Variants in SMIM23 observed in about 807,000 individuals in gnomAD.
The protein encoded by SMIM23 is CTB-78H18.1.
A neutral mutation model predicts 12.8 loss-of-function variants in SMIM23; 10 were observed. That is an observed-to-expected ratio of 0.78 (90% CI 0.48 to 1.32). The LOEUF (loss-of-function observed/expected upper bound fraction) is 1.32. SMIM23 is among the 40% of genes most tolerant of loss of function. The probability of loss-of-function intolerance (pLI) is 0.00; values close to 1 mark genes in which losing one functional copy is unlikely to be tolerated. For missense variants in SMIM23, 184 were observed against 198.2 expected (o/e 0.93, Z 0.43); for synonymous variants, 78 against 80.1 (o/e 0.97, Z 0.14).
At chr5:171,785,486 C>A (rs1402624111), upstream of SMIM23, among the ~76,000 whole-genome samples, 5 of 151,638 alleles carry the variant, frequency 3.3e-5, no homozygotes, top group Admixed American at 6.6e-5. Flanking sequence ...TGGACTCAAG[C>A]AATCCTCCAG....
chr5:171,776,275 G>A, the SMIM23 span, among the ~76,000 whole-genome samples: 2 of 151,586 alleles, frequency 1.3e-5, no homozygotes, highest in South Asian at 4.2e-4. Context: ...GGGGGGGTTG[G>A]GGTGGGGTGA....
intron 1 of SMIM23, among the ~76,000 whole-genome samples, chr5:171,788,989 G>T (rs1168281109): frequency 6.6e-6 from 1 of 152,222 alleles, no homozygotes; most frequent in Non-Finnish European, 1.5e-5. Context: ...ACAGGCACCG[G>T]CCACCATGGC....
chr5:171,778,118 G>A (rs376680179), upstream of SMIM23, among the ~76,000 whole-genome samples: 14 of 152,268 alleles, frequency 9.2e-5, no homozygotes, highest in East Asian at 7.7e-4. Context: ...CTAGCACTTC[G>A]GGAGGCCGAG....
At position 171,789,755 on chromosome 5, in the gene SMIM23, A is replaced by G. The variant is rs920650597; in HGVS notation, c.106-475A>G. ...GCAAAACTACTCACAGTGACAGAAA[A>G]CAGATTAATGGTTCTCTCCAGGCAG... On this transcript the variant is annotated intron_variant, in intron 1 of 3. Coordinates refer to ENST00000523047, the MANE Select transcript of SMIM23 (RefSeq NM_001289970.2). Among the ~76,000 whole-genome samples, 15 of 152,342 alleles carry G rather than the reference A, an allele frequency of 9.8e-5. No individual in the cohort carries two copies. In the South Asian group the frequency reaches 2.9e-3, roughly 29 times the overall value.
upstream of SMIM23, among the ~76,000 whole-genome samples, chr5:171,779,038 C>A (rs1168936939): frequency 6.6e-6 from 1 of 152,206 alleles, no homozygotes; most frequent in Non-Finnish European, 1.5e-5. Context: ...CTCCACAGAG[C>A]AGGGCTGTTT....
At chr5:171,789,761 T>C (rs1755887908) in intron 1 of SMIM23, among the ~76,000 whole-genome samples, 1 of 152,072 alleles carries the variant, frequency 6.6e-6, no homozygotes, top group Non-Finnish European at 1.5e-5. Flanking sequence ...GAAAACAGAT[T>C]AATGGTTCTC....
the SMIM23 span, chr5:171,774,461 T>TC: frequency 4.4e-6 from 2 of 456,224 alleles, no homozygotes; most frequent in Non-Finnish European, 8.8e-6. Context: ...GTCGGACCTC[T>TC]CCCCCAATCC....
Position 171,786,804 on chromosome 5 carries a change from C to T in SMIM23, c.105+828C>T, listed in dbSNP as rs141546534. ...TAAAAAGTGTTCCATAGACACCAGA[C>T]CCCAGGAATGCTCCTTTTAGAAACA... On this transcript the variant is annotated intron_variant, in intron 1 of 3. Coordinates refer to ENST00000523047, the MANE Select transcript of SMIM23 (RefSeq NM_001289970.2). 2.7e-3 allele frequency among the ~76,000 whole-genome samples: 407 copies of T among 152,200 alleles called. 1 individual carries two copies. The highest frequency in any genetic ancestry group is 9.4e-3 in the African/African-American group (392 of 41,520).
chr5:171,790,602 A>G, intron 3 of SMIM23, 53 bp downstream of exon 3: 1 of 1,504,194 alleles, frequency 6.6e-7, no homozygotes, highest in Admixed American at 2.0e-5. Flanking sequence ...GGCTTTCCAG[A>G]GGAGGTGTCA....
Position 171,790,832 on chromosome 5 carries a change from C to T in SMIM23, c.263C>T (p.Pro88Leu), listed in dbSNP as rs1755909369. 4 of 1,536,030 alleles carry T rather than the reference C, an allele frequency of 2.6e-6. No individual in the cohort carries two copies. Among genetic ancestry groups the T allele is most frequent in the Non-Finnish European group, 3.5e-6 (4 of 1,146,900 alleles). Residue 88 changes from proline to leucine, a missense_variant, in exon 4 of 4, where the codon CCG becomes CTG. Transcript: ENST00000523047. ...CAGACCAACGAGCCCTCAGAAGAACCGATAAAGACCATCAGGAACTGGCTG... is the reference window on the plus strand; with the variant it reads ...CAGACCAACGAGCCCTCAGAAGAACTGATAAAGACCATCAGGAACTGGCTG... ...EYQTNEPSEE[P>L]IKTIRNWLKE...
chr5:171,774,333 G>C, the SMIM23 span: 1 of 447,810 alleles, frequency 2.2e-6, no homozygotes, highest in Non-Finnish European at 4.5e-6. Flanking sequence ...TGTTGTTCCT[G>C]TTCTACAGAT....
intron 2 of SMIM23, 22 bp from the exon 3 acceptor site, chr5:171,790,460 G>C (rs254967): frequency 6.5e-7 from 1 of 1,536,234 alleles, no homozygotes; most frequent in Non-Finnish European, 8.7e-7. Flanking sequence ...CTCTTCAGAG[G>C]TGATGTTTGT....
In SMIM23 at chr5:171,791,052, G is replaced by T; in HGVS notation, c.483G>T (p.Gly161=). 1.3e-6 allele frequency: 2 copies of T among 1,523,722 alleles called. No individual in the cohort carries two copies. Among genetic ancestry groups the T allele is most frequent in the Non-Finnish European group, 1.8e-6 (2 of 1,140,940 alleles). 94.4% of individuals were successfully genotyped at this position (1,523,722 alleles called of 1,614,324 possible). Residue 161 remains glycine (G), a synonymous_variant, in exon 4 of 4, where the codon GGG becomes GGT. Coordinates refer to ENST00000523047, the MANE Select transcript of SMIM23 (RefSeq NM_001289970.2). ...ALGREHKGGE[G]LLEISLSGAE... ...GGAGAGAGCACAAAGGTGGGGAGGG[G>T]TTGCTAGAGATTTCTCTAAGCGGGG...
At chr5:171,786,279 T>A (rs1755815703) in intron 1 of SMIM23, among the ~76,000 whole-genome samples, 1 of 152,184 alleles carries the variant, frequency 6.6e-6, no homozygotes, top group African/African-American at 2.4e-5. Flanking sequence ...AGATGCTGAA[T>A]GAACGAATGA....
At chr5:171,775,912 G>C in the SMIM23 span, among the ~76,000 whole-genome samples, 1 of 152,034 alleles carries the variant, frequency 6.6e-6, no homozygotes, top group Non-Finnish European at 1.5e-5. Context: ...CACTCTTGTT[G>C]CCCAGGCTGG....
rs1755810357 is a variant in SMIM23 at position 171,785,992 on chromosome 5, G to T, written c.105+16G>T. ...CGAGAAGCAGGTGAGGCCAGGCCAGGTACATGCTGCTTTCCTCCCATCTGG... is the reference window on the plus strand; with the variant it reads ...CGAGAAGCAGGTGAGGCCAGGCCAGTTACATGCTGCTTTCCTCCCATCTGG... On this transcript the variant is annotated intron_variant, in intron 1 of 3. Transcript: ENST00000523047. The T allele has an allele frequency of 6.5e-7, 1 of 1,529,430 alleles. No homozygotes were observed. 94.7% of individuals were successfully genotyped at this position (1,529,430 alleles called of 1,614,324 possible).
upstream of SMIM23, among the ~76,000 whole-genome samples, chr5:171,778,642 G>A (rs1222338831): frequency 6.6e-6 from 1 of 152,180 alleles, no homozygotes; most frequent in East Asian, 1.9e-4. Context: ...CCAGATGCAT[G>A]CTTTGAGAGT....
intron 1 of SMIM23, among the ~76,000 whole-genome samples, chr5:171,787,370 G>A (rs1025672535): frequency 6.6e-6 from 1 of 152,118 alleles, no homozygotes; most frequent in African/African-American, 2.4e-5. Context: ...AAGAAACTGA[G>A]GCTCAGAGAA....
At chr5:171,789,282 T>C (rs754781508) in intron 1 of SMIM23, among the ~76,000 whole-genome samples, 3 of 152,260 alleles carry the variant, frequency 2.0e-5, no homozygotes, top group Non-Finnish European at 4.4e-5. Context: ...TTTGGCTCAA[T>C]ATTTAAAACA....
Sources: allele counts gnomAD v4.1 joint callset (sites outside exome capture counted in the v4.1 genomes callset), GRCh38; gene constraint gnomAD v4.1.1; transcripts MANE v1.5; gene names NCBI Gene and HGNC (gene_info 2026-07-23, HGNC 2026-07-21).